Variants in AFF4 observed in about 807,000 individuals in gnomAD.
AFF4 encodes AF4/FMR2 family member 4.
A neutral mutation model predicts 124.8 loss-of-function variants in AFF4; 13 were observed. The observed-to-expected ratio is 0.10, with a 90% CI of 0.07 to 0.17. The LOEUF (loss-of-function observed/expected upper bound fraction) is 0.17. Ranked by LOEUF, AFF4 falls within the 10% of genes least tolerant of loss-of-function variation. AFF4 has a pLI of 1.00. For missense variants in AFF4, 1,092 were observed against 1,403.8 expected (o/e 0.78, Z 3.55); for synonymous variants, 477 against 496.1 (o/e 0.96, Z 0.51).
chr5:132,929,009 T>C (rs1053055002), intron 4 of AFF4, among the ~76,000 whole-genome samples: 1 of 152,146 alleles, frequency 6.6e-6, no homozygotes, highest in Non-Finnish European at 1.5e-5. Flanking sequence ...TTCCCAGTGG[T>C]TGACACAAAG....
intron 1 of AFF4, among the ~76,000 whole-genome samples, chr5:132,941,899 T>C (rs35734884): frequency 0.51 from 77,490 of 150,942 alleles, 20,152 homozygotes; most frequent in East Asian, 0.72. Flanking sequence ...CCCAGCTACT[T>C]AGGAGGCTGA....
At chr5:132,923,994 G>A (rs1204132788) in intron 5 of AFF4, among the ~76,000 whole-genome samples, 5 of 152,152 alleles carry the variant, frequency 3.3e-5, no homozygotes, top group Non-Finnish European at 5.9e-5. Flanking sequence ...GGTGGCTCAC[G>A]CCTGTGATCC....
Position 132,888,101 on chromosome 5 carries a change from G to A in AFF4, c.2792C>T (p.Ala931Val). The A allele has an allele frequency of 6.2e-7, 1 of 1,610,574 alleles. No individual in the cohort carries two copies. The change falls in exon 15 of 21, where the codon GCA becomes GTA. Residue 931 changes from alanine to valine, a missense_variant. Around this residue, in one of 11 missense-constraint regions of AFF4, gnomAD observed 173 missense variants for 294.9 expected, o/e 0.59. Coordinates refer to ENST00000265343, the MANE Select transcript of AFF4 (RefSeq NM_014423.4). ...GTAAGGAGAATATCTACATACCAAT[G>A]CATCTGCATTGTGCTTTAGCTTTTT... Reference protein sequence around the residue: ...EAKKLKHNADALSDRFEKAVY... With the variant: ...EAKKLKHNADVLSDRFEKAVY...
chr5:132,885,256 G>C (rs1448785045), intron 18 of AFF4, 137 bp from the exon 19 acceptor site: 1 of 210,364 alleles, frequency 4.8e-6, no homozygotes, highest in African/African-American at 5.9e-5. Flanking sequence ...ATACGTGTGT[G>C]TGTGTGTGTG....
Position 132,886,294 on chromosome 5 carries a change from G to A in AFF4, c.3099+16C>T. ...CTGTCTCCTAGGAAACGGACCTTGT[G>A]CTTTTGCATACTTACCTTCAGGTGC... is the stretch of plus-strand genomic sequence containing the variant. On this transcript the variant is annotated intron_variant, in intron 18 of 20. Coordinates refer to ENST00000265343, the MANE Select transcript of AFF4 (RefSeq NM_014423.4). 1 of 1,610,012 alleles carries A rather than the reference G, an allele frequency of 6.2e-7. No homozygotes were observed. Among genetic ancestry groups the A allele is most frequent in the Non-Finnish European group, 8.5e-7 (1 of 1,177,402 alleles).
intron 1 of AFF4, chr5:132,942,794 C>T (rs551089026): frequency 6.5e-6 from 1 of 153,208 alleles, no homozygotes; most frequent in African/African-American, 2.4e-5. Flanking sequence ...TGCCACTTGA[C>T]AAAATACCAT....
chr5:132,958,239 CA>C (rs1393482330), intron 1 of AFF4, among the ~76,000 whole-genome samples: 2 of 151,816 alleles, frequency 1.3e-5, no homozygotes, highest in Non-Finnish European at 1.5e-5. Flanking sequence ...ATAGTAGCTG[CA>C]TAACAAATAA....
chr5:132,929,732 G>A (rs369842058), intron 4 of AFF4, among the ~76,000 whole-genome samples: 9 of 152,222 alleles, frequency 5.9e-5, no homozygotes, highest in South Asian at 2.1e-4. Context: ...ATTGGCCTGC[G>A]GATATTAAAT....
Position 132,880,530 on chromosome 5 carries a change from G to A in AFF4, c.*529C>T, listed in dbSNP as rs1194310583. ...ATTGGAGTTAAGATTTCAAATATCA[G>A]GTCAGGTAGCAGGTGTAGAAAGAAT... On this transcript the variant is annotated 3_prime_UTR_variant, in exon 21 of 21. Transcript: ENST00000265343. 2.5e-6 allele frequency: 1 copy of A among 394,224 alleles called. No individual in the cohort carries two copies. Among genetic ancestry groups the A allele is most frequent in the African/African-American group, 2.1e-5 (1 of 48,492 alleles). The allele number at this position is 394,224 out of a possible 1,614,324, so 24.4% of individuals were successfully genotyped here.
At chr5:132,889,235 G>A in intron 13 of AFF4, 62 bp from the exon 14 acceptor site, 1 of 1,180,666 alleles carries the variant, frequency 8.5e-7, no homozygotes, top group African/African-American at 1.5e-5. Flanking sequence ...GAAACTAATA[G>A]CATTTCTTCA....
intron 5 of AFF4, among the ~76,000 whole-genome samples, chr5:132,915,914 T>A (rs1013563539): frequency 2.0e-5 from 3 of 151,894 alleles, no homozygotes; most frequent in Non-Finnish European, 4.4e-5. Flanking sequence ...TCCCCATTGT[T>A]CCTATAGATA....
At chr5:132,882,186 C>G (rs116420819) in intron 20 of AFF4, among the ~76,000 whole-genome samples, 254 of 149,320 alleles carry the variant, frequency 1.7e-3, no homozygotes, top group Non-Finnish European at 3.1e-3. Context: ...GCCTGGGCAG[C>G]CTGGGTGACA....
At chr5:132,908,664 AACAATG>A (rs1396632308) in intron 5 of AFF4, among the ~76,000 whole-genome samples, 2 of 151,064 alleles carry the variant, frequency 1.3e-5, no homozygotes, top group African/African-American at 4.9e-5. Flanking sequence ...AAAATACATA[AACAATG>A]ACAATATTAT....
At position 132,932,291 on chromosome 5, in the gene AFF4, A is replaced by C. The variant is rs2150096793; in HGVS notation, c.919-69T>G. Reference sequence around the variant, plus strand: ...TTTTAGTATTTGCTTCACAGATTTAAAAACATTATTAAAAGTATTTATGAC... The same window carrying C: ...TTTTAGTATTTGCTTCACAGATTTACAAACATTATTAAAAGTATTTATGAC... On this transcript the variant is annotated intron_variant, in intron 3 of 20. Coordinates refer to ENST00000265343, the MANE Select transcript of AFF4 (RefSeq NM_014423.4). The C allele has an allele frequency of 4.4e-6, 6 of 1,353,284 alleles. No homozygotes were observed. In the South Asian group the frequency reaches 6.5e-5, roughly 15 times the overall value. The allele number at this position is 1,353,284 out of a possible 1,614,324, so 83.8% of individuals were successfully genotyped here.
At chr5:132,910,475 A>T in intron 5 of AFF4, among the ~76,000 whole-genome samples, 1 of 152,334 alleles carries the variant, frequency 6.6e-6, no homozygotes, top group Middle Eastern at 3.4e-3. Context: ...TTCCCTAGGT[A>T]TAACAACTTT....
chr5:132,889,249 A>G, intron 13 of AFF4, 76 bp from the exon 14 acceptor site: 1 of 1,059,520 alleles, frequency 9.4e-7, no homozygotes, highest in South Asian at 1.6e-5. Flanking sequence ...TTCTTCAGCC[A>G]CTGGTAAAAA....
At position 132,934,680 on chromosome 5, in the gene AFF4, T is replaced by C; in HGVS notation, c.385A>G (p.Ser129Gly). Residue 129 changes from serine to glycine, a missense_variant, in exon 3 of 21, where the codon AGT becomes GGT. By Grantham distance (56) the Ser-to-Gly change is moderately conservative. Transcript: ENST00000265343. ...CTGGTCCGCTGGCTACTATGTCCAC[T>C]CTGTAAGCCTGAGGACCGTTTCTGA... The part of the protein sequence containing the change: ...QSQKRSSGLQ[S>G]GHSSQRTSAG... The C allele has an allele frequency of 1.2e-6, 2 of 1,614,136 alleles. No individual in the cohort carries two copies. The highest frequency in any genetic ancestry group is 1.7e-6 in the Non-Finnish European group (2 of 1,180,038).
intron 9 of AFF4, 120 bp from the exon 10 acceptor site, chr5:132,898,512 C>T: frequency 2.8e-6 from 3 of 1,069,226 alleles, no homozygotes; most frequent in Non-Finnish European, 3.9e-6. Context: ...TAGACGGAGT[C>T]TTGCTCTGTG....
At chr5:132,892,124 T>G (rs370828378) in intron 13 of AFF4, 40 bp downstream of exon 13, 1 of 1,614,012 alleles carries the variant, frequency 6.2e-7, no homozygotes, top group East Asian at 2.2e-5. Context: ...ACATGGCAAG[T>G]TGAATGATTT....
Sources: gnomAD v4.1 joint callset for allele counts (sites outside exome capture counted in the v4.1 genomes callset) on GRCh38, gnomAD v4.1.1 for gene constraint, gnomAD v4.1.1 regional missense constraint, MANE v1.5 for transcripts, NCBI Gene and HGNC (gene_info 2026-07-23, HGNC 2026-07-21) for gene names.